PTPRD: variants seen among roughly 807,000 people sequenced by gnomAD.
PTPRD encodes receptor-type tyrosine-protein phosphatase delta.
In PTPRD, 34 loss-of-function variants were observed where a neutral mutation model predicts 214.5. The observed-to-expected ratio is 0.16, with a 90% confidence interval of 0.12 to 0.21. PTPRD has a LOEUF of 0.21. PTPRD is among the 10% of genes least tolerant of loss of function. The pLI, the probability that PTPRD is intolerant of heterozygous loss-of-function variation, is 1.00. For missense variants in PTPRD, 2,545 were observed against 2,398.7 expected, an observed-to-expected ratio of 1.06 and a Z score of -1.27; for synonymous variants, 1,128 against 845.7, an observed-to-expected ratio of 1.33 and a Z score of -5.79.
chr9:10,182,057 C>T (rs1243370938), intron 3 of PTPRD, among the ~76,000 whole-genome samples: 2 of 146,900 alleles, frequency 1.4e-5, no homozygotes, highest in Non-Finnish European at 3.0e-5. Flanking sequence ...AGATCGAGAC[C>T]ATCCTGGCTA....
chr9:8,672,619 C>G (rs1431525799), intron 12 of PTPRD, among the ~76,000 whole-genome samples: 1 of 152,004 alleles, frequency 6.6e-6, no homozygotes, highest in Admixed American at 6.6e-5. Context: ...AATTGAATAT[C>G]CTCTAATGAA....
intron 39 of PTPRD, among the ~76,000 whole-genome samples, chr9:8,368,623 T>C (rs1013893030): frequency 6.6e-6 from 1 of 152,022 alleles, no homozygotes; most frequent in Admixed American, 6.6e-5. Flanking sequence ...ACTTCTCCAT[T>C]TTGAGTTTTA....
At chr9:10,395,514 C>G (rs2098151501) in intron 2 of PTPRD, among the ~76,000 whole-genome samples, 1 of 151,764 alleles carries the variant, frequency 6.6e-6, no homozygotes. Context: ...TTAAACTTAT[C>G]CAATATACGA....
intron 44 of PTPRD, among the ~76,000 whole-genome samples, chr9:8,322,594 C>T (rs1829513947): frequency 6.6e-6 from 1 of 152,164 alleles, no homozygotes; most frequent in Non-Finnish European, 1.5e-5. Context: ...TTGAAGTTAG[C>T]ACAGGTTGGC....
chr9:10,004,809 A>C (rs2096434344), intron 4 of PTPRD, among the ~76,000 whole-genome samples: 1 of 152,142 alleles, frequency 6.6e-6, no homozygotes, highest in African/African-American at 2.4e-5. Context: ...AAATAATGCA[A>C]CTCAACAACT....
At position 8,315,310 on chromosome 9, in the gene PTPRD, T is replaced by C. The variant is rs1821079700; in HGVS notation, c.*2564A>G. On this transcript the variant is annotated 3_prime_UTR_variant, in exon 46 of 46. Coordinates refer to ENST00000381196, the MANE Select transcript of PTPRD (RefSeq NM_002839.4). ...CATTTTCTTCTTCTGATTATTGTCATCTTTCCCTTTGCCAAATGGGCAGTT... is the reference window on the plus strand; with the variant it reads ...CATTTTCTTCTTCTGATTATTGTCACCTTTCCCTTTGCCAAATGGGCAGTT... The C allele has an allele frequency of 8.6e-6, 2 of 232,644 alleles. No individual in the cohort carries two copies. The highest frequency in any genetic ancestry group is 3.6e-4 in the South Asian group (2 of 5,530). 14.4% of individuals were successfully genotyped at this position (232,644 alleles called of 1,614,324 possible).
At chr9:10,279,819 T>C (rs2094986217) in intron 3 of PTPRD, among the ~76,000 whole-genome samples, 1 of 152,076 alleles carries the variant, frequency 6.6e-6, no homozygotes, top group Non-Finnish European at 1.5e-5. Context: ...CTGCCATGAG[T>C]AGTCCTGAAT....
At chr9:9,778,931 G>C (rs1479401521) in intron 5 of PTPRD, among the ~76,000 whole-genome samples, 1 of 151,116 alleles carries the variant, frequency 6.6e-6, no homozygotes, top group Non-Finnish European at 1.5e-5. Flanking sequence ...ACAAAGCCAG[G>C]GCATCACACT....
chr9:9,641,286 A>G (rs910997585), intron 7 of PTPRD, among the ~76,000 whole-genome samples: 6 of 152,198 alleles, frequency 3.9e-5, no homozygotes, highest in Non-Finnish European at 8.8e-5. Flanking sequence ...TCAGCTGAAA[A>G]TCTTTAATTG....
At chr9:8,804,000 T>G (rs547897387) in intron 11 of PTPRD, among the ~76,000 whole-genome samples, 19 of 152,160 alleles carry the variant, frequency 1.2e-4, no homozygotes, top group African/African-American at 4.1e-4. Flanking sequence ...TTGCCCAGGC[T>G]GGAGTGTAGT....
chr9:9,555,868 C>T (rs1159980992), intron 8 of PTPRD, among the ~76,000 whole-genome samples: 1 of 152,018 alleles, frequency 6.6e-6, no homozygotes, highest in African/African-American at 2.4e-5. Context: ...ACGAATACAC[C>T]TGAAAGTTCA....
At chr9:9,459,295 G>T (rs1045939054) in intron 8 of PTPRD, among the ~76,000 whole-genome samples, 2 of 151,956 alleles carry the variant, frequency 1.3e-5, no homozygotes, top group Non-Finnish European at 2.9e-5. Context: ...ACAGAAACAA[G>T]ATAAGAATGT....
intron 11 of PTPRD, among the ~76,000 whole-genome samples, chr9:8,842,913 T>C (rs1426232338): frequency 6.6e-6 from 1 of 152,208 alleles, no homozygotes; most frequent in Non-Finnish European, 1.5e-5. Flanking sequence ...ACACTTGCTC[T>C]GCGCTGCACA....
chr9:9,621,655 T>G (rs143355710), intron 7 of PTPRD, among the ~76,000 whole-genome samples: 140 of 152,290 alleles, frequency 9.2e-4, no homozygotes, highest in African/African-American at 3.2e-3. Context: ...TTTAAACCCT[T>G]TGAAAAAGAA....
intron 2 of PTPRD, among the ~76,000 whole-genome samples, chr9:10,503,352 G>C (rs1032738780): frequency 2.0e-5 from 3 of 151,828 alleles, no homozygotes; most frequent in African/African-American, 7.3e-5. Context: ...AAGATTATAA[G>C]TTAGAGTTCA....
chr9:9,410,649 T>C (rs2141881106), intron 8 of PTPRD, among the ~76,000 whole-genome samples: 1 of 152,312 alleles, frequency 6.6e-6, no homozygotes, highest in East Asian at 1.9e-4. Flanking sequence ...CAGGAAGTTT[T>C]AGGGATTAGA....
intron 5 of PTPRD, among the ~76,000 whole-genome samples, chr9:9,801,907 T>G (rs1830775): frequency 0.64 from 97,492 of 151,808 alleles, 33,286 homozygotes; most frequent in East Asian, 0.87. Flanking sequence ...ACAATCAGAA[T>G]ACTATAATGA....
chr9:10,376,251 TTC>T (rs1283524600), intron 2 of PTPRD, among the ~76,000 whole-genome samples: 5 of 151,964 alleles, frequency 3.3e-5, no homozygotes, highest in East Asian at 1.9e-4. Flanking sequence ...CTGTTTTTTT[TTC>T]TGTTTCCTGC....
At chr9:10,253,116 A>T (rs2092936491) in intron 3 of PTPRD, among the ~76,000 whole-genome samples, 1 of 152,162 alleles carries the variant, frequency 6.6e-6, no homozygotes, top group South Asian at 2.1e-4. Context: ...AAATGAATAG[A>T]CCTTTTAAGG....
Sources: allele counts gnomAD v4.1 joint callset (sites outside exome capture counted in the v4.1 genomes callset), GRCh38; gene constraint gnomAD v4.1.1; transcripts MANE v1.5; gene names NCBI Gene and HGNC (gene_info 2026-07-23, HGNC 2026-07-21).